SVIL: variants seen among roughly 807,000 people sequenced by gnomAD.
SVIL encodes the protein archvillin.
A neutral mutation model predicts 240.4 loss-of-function variants in SVIL; 101 were observed. That is an observed-to-expected ratio of 0.42 (90% CI 0.36 to 0.50). The LOEUF is 0.50. Among genes scored for constraint, SVIL ranks in the 20% least tolerant of loss-of-function variants. SVIL has a pLI of 0.01. For synonymous variants in SVIL, 999 were observed against 1,100.0 expected (o/e 0.91, Z 1.82); for missense variants, 2,512 against 2,818.7 (o/e 0.89, Z 2.46).
intron 3 of SVIL, among the ~76,000 whole-genome samples, chr10:29,653,436 A>G (rs1287786848): frequency 6.6e-6 from 1 of 152,142 alleles, no homozygotes; most frequent in African/African-American, 2.4e-5. Context: ...CCATCAGCCA[A>G]TTAAGCCTAT....
chr10:29,567,813 G>A lies in SVIL; in HGVS notation c.-143+1442C>T, dbSNP rs1284173314. Among the ~76,000 whole-genome samples, 4 of 152,044 alleles carry A rather than the reference G, an allele frequency of 2.6e-5. No individual in the cohort carries two copies. The East Asian group carries it at 5.8e-4, about 22-fold the overall frequency. On this transcript the variant is annotated intron_variant, in intron 2 of 37. Coordinates refer to ENST00000355867, the MANE Select transcript of SVIL (RefSeq NM_021738.3). ...GGGTGGATCACAAGGTCAGGAGATC[G>A]AGACCATCCTGGCTAACACGGTGAA...
At chr10:29,562,532 G>C (rs1229417834) in intron 3 of SVIL, among the ~76,000 whole-genome samples, 1 of 152,180 alleles carries the variant, frequency 6.6e-6, no homozygotes, top group Non-Finnish European at 1.5e-5. Flanking sequence ...AGGCGGAGGC[G>C]GGCGGATCAC....
chr10:29,516,084 T>G lies in SVIL; in HGVS notation c.3390-3223A>C, dbSNP rs368227347. 3.2e-3 allele frequency among the ~76,000 whole-genome samples: 483 copies of G among 149,298 alleles called. 7 individuals are homozygous for G. In the South Asian group the frequency reaches 0.047, roughly 15 times the overall value. On this transcript the variant is annotated intron_variant, in intron 16 of 37. Coordinates refer to ENST00000355867, the MANE Select transcript of SVIL (RefSeq NM_021738.3). ...CTGCCTGTGTGTAGCTTGTTTCACT[T>G]CGGTAGAACATTAGCTGACCGGACA...
rs66830131 is a variant in SVIL at position 29,481,168 on chromosome 10, T to TG, written c.5101-356_5101-355insC. ...TGTGTGTGTGTGTGTGTGTGTGTGT[T>TG]TGTTTGTGTGTCTGTGTGTCCATGG... On this transcript the variant is annotated intron_variant, in intron 28 of 37. Coordinates refer to ENST00000355867, the MANE Select transcript of SVIL (RefSeq NM_021738.3). Among the ~76,000 whole-genome samples, 955 of 109,616 alleles carry TG rather than the reference T, an allele frequency of 8.7e-3. 10 individuals are homozygous for TG. The highest frequency in any genetic ancestry group is 0.034 in the East Asian group (129 of 3,740). The allele number at this position is 109,616 out of a possible 152,430, so 71.9% of individuals were successfully genotyped here. A position where few individuals can be genotyped will look rare whatever the true frequency, so the allele number is the denominator to read the frequency against.
At chr10:29,568,468 G>A (rs1423857910) in intron 2 of SVIL, among the ~76,000 whole-genome samples, 3 of 152,052 alleles carry the variant, frequency 2.0e-5, no homozygotes, top group Non-Finnish European at 2.9e-5. Flanking sequence ...GGGTCCTTCC[G>A]CTATAATGAA....
chr10:29,699,719 G>T (rs531758607), intron 1 of SVIL, among the ~76,000 whole-genome samples: 2 of 152,346 alleles, frequency 1.3e-5, no homozygotes, highest in South Asian at 4.1e-4. Flanking sequence ...TTACTGACGA[G>T]TTAGGAGGCA....
rs1254675133 is a variant in SVIL, at chr10:29,735,248, C to T, written c.-400+503G>A. Reference sequence around the variant, plus strand: ...GCCCTGCGGAGGCGCCGGTCTGGGACCCCGGGCTGGGGCGCGGGAGCCACC... The same window carrying T: ...GCCCTGCGGAGGCGCCGGTCTGGGATCCCGGGCTGGGGCGCGGGAGCCACC... On this transcript the variant is annotated intron_variant, in intron 1 of 35. Coordinates refer to the SVIL transcript ENST00000375400. This position sits in a 1 kb window ranked among gnomAD's most constrained non-coding sequence, Gnocchi z 4.1. 6.6e-6 allele frequency among the ~76,000 whole-genome samples: 1 copy of T among 152,024 alleles called. No homozygotes were observed. Among genetic ancestry groups the T allele is most frequent in the Non-Finnish European group, 1.5e-5 (1 of 67,978 alleles).
chr10:29,635,126 C>T (rs1038101745), upstream of SVIL, among the ~76,000 whole-genome samples: 1 of 152,170 alleles, frequency 6.6e-6, no homozygotes, highest in African/African-American at 2.4e-5. Context: ...TTAGGTTGTC[C>T]ACACTGTCTT....
chr10:29,692,173 G>A (rs145316493), intron 1 of SVIL, among the ~76,000 whole-genome samples: 42 of 152,274 alleles, frequency 2.8e-4, no homozygotes, highest in Non-Finnish European at 5.3e-4. Context: ...TGGCATTCTG[G>A]CTTACAAGTA....
chr10:29,460,116 G>T lies in SVIL; in HGVS notation c.6403-1527C>A, dbSNP rs149975817. ...CTAAAAAAAGAAGAGGCGAATTTTGGATGATCTTGCCTGCGTCTGAGTACT... is the reference window on the plus strand; with the variant it reads ...CTAAAAAAAGAAGAGGCGAATTTTGTATGATCTTGCCTGCGTCTGAGTACT... On this transcript the variant is annotated intron_variant, in intron 36 of 37. Coordinates refer to ENST00000355867, the MANE Select transcript of SVIL (RefSeq NM_021738.3). 3.5e-3 allele frequency among the ~76,000 whole-genome samples: 539 copies of T among 152,184 alleles called. 4 individuals carry two copies. Among genetic ancestry groups the T allele is most frequent in the African/African-American group, 0.012 (503 of 41,516 alleles).
rs777299424 is a variant in SVIL, at chr10:29,474,012, G to A, written c.5378-23C>T. The A allele has an allele frequency of 8.1e-6, 13 of 1,608,754 alleles. No individual in the cohort carries two copies. The African/African-American group carries it at 1.5e-4, about 18-fold the overall frequency. On this transcript the variant is annotated intron_variant, in intron 29 of 37. Coordinates refer to ENST00000355867, the MANE Select transcript of SVIL (RefSeq NM_021738.3). ...CCACTGCAAACACAGAATGGCAGAG[G>A]GACAGGTCAGCAGCTGAGACACCCG...
intron 1 of SVIL, among the ~76,000 whole-genome samples, chr10:29,691,315 C>A (rs941335692): frequency 2.6e-5 from 4 of 151,858 alleles, no homozygotes; most frequent in Non-Finnish European, 5.9e-5. Flanking sequence ...AGGTTCACGC[C>A]ATTCTCCAGC....
At chr10:29,644,921 G>C (rs756344639) in intron 3 of SVIL, among the ~76,000 whole-genome samples, 81 of 151,990 alleles carry the variant, frequency 5.3e-4, no homozygotes, top group Non-Finnish European at 3.7e-4. Context: ...AGCCTGTGGG[G>C]ACAGAATGGT....
In SVIL at chr10:29,648,815, GA is replaced by G. The variant is rs112459712; in HGVS notation, c.-201+9153del. 6.2e-3 allele frequency among the ~76,000 whole-genome samples: 883 copies of G among 143,322 alleles called. 6 individuals are homozygous for G. Among genetic ancestry groups the G allele is most frequent in the Non-Finnish European group, 6.9e-3 (453 of 65,258 alleles). 94.0% of individuals were successfully genotyped at this position (143,322 alleles called of 152,430 possible). ...TAAACCTAGGACACAGGACAGCTGGGAAAAAAAAAAAAAGATTCTAAAAGCA... is the reference window on the plus strand; with the variant it reads ...TAAACCTAGGACACAGGACAGCTGGGAAAAAAAAAAAAGATTCTAAAAGCA... On this transcript the variant is annotated intron_variant, in intron 3 of 35. Coordinates refer to the SVIL transcript ENST00000375400.
intron 29 of SVIL, among the ~76,000 whole-genome samples, chr10:29,478,730 G>A (rs1946477090): frequency 6.6e-6 from 1 of 151,684 alleles, no homozygotes; most frequent in Non-Finnish European, 1.5e-5. Context: ...AGACCAGCCT[G>A]GGCAACATAG....
rs1958237452 is a variant in SVIL at position 29,634,539 on chromosome 10, C to CTT, written c.-322_-321dup. On this transcript the variant is annotated 5_prime_UTR_variant, in exon 1 of 38. Transcript: ENST00000355867. ...AAACACGTTATACCCTCGAATCCAG[C>CTT]TTTTGATGTCTTCGAGTATTTTCTT... 1 of 152,156 alleles carries CTT rather than the reference C, an allele frequency of 6.6e-6. No individual in the cohort carries two copies. The allele number at this position is 152,156 out of a possible 1,614,324, so 9.4% of individuals were successfully genotyped here.
intron 1 of SVIL, among the ~76,000 whole-genome samples, chr10:29,718,467 T>C (rs183789666): frequency 2.6e-4 from 39 of 152,314 alleles, no homozygotes; most frequent in African/African-American, 9.1e-4. Context: ...TTCCAGAGCA[T>C]TGACAGCATC....
chr10:29,692,025 G>A (rs886132308), intron 1 of SVIL, among the ~76,000 whole-genome samples: 7 of 152,148 alleles, frequency 4.6e-5, no homozygotes, highest in Non-Finnish European at 8.8e-5. Flanking sequence ...AATCCCTGCC[G>A]CAGCTCACTC....
chr10:29,584,723 C>T (rs1310580248), intron 1 of SVIL, among the ~76,000 whole-genome samples: 9 of 152,132 alleles, frequency 5.9e-5, no homozygotes, highest in East Asian at 1.9e-4. Context: ...CACATTCAGA[C>T]GGAACGTGCT....
Sources: allele counts gnomAD v4.1 joint callset (sites outside exome capture counted in the v4.1 genomes callset), GRCh38; gene constraint gnomAD v4.1.1; non-coding constraint Gnocchi (gnomAD v3.1); transcripts MANE v1.5; gene names NCBI Gene and HGNC (gene_info 2026-07-23, HGNC 2026-07-21).